The following DNAJC19 variants were observed in gnomAD, a reference collection of about 807,000 sequenced individuals.
The protein encoded by DNAJC19 is DnaJ heat shock protein family (Hsp40) member C19, also known as mitochondrial import inner membrane translocase subunit TIM14.
A neutral mutation model predicts 19.8 loss-of-function variants in DNAJC19; 15 were observed. The observed-to-expected ratio is 0.76, with a 90% CI of 0.51 to 1.17. DNAJC19 has a LOEUF of 1.17. DNAJC19 is among the 50% of genes most tolerant of loss of function. DNAJC19 has a pLI of 0.00. For synonymous variants in DNAJC19, 38 were observed against 42.1 expected, an observed-to-expected ratio of 0.90 and a Z score of 0.38; for missense variants, 105 against 140.9, an observed-to-expected ratio of 0.75 and a Z score of 1.29.
intron 4 of DNAJC19, 50 bp from the exon 5 acceptor site, chr3:180,986,046 T>C: frequency 6.8e-7 from 1 of 1,464,074 alleles, no homozygotes; most frequent in Non-Finnish European, 9.5e-7. Context: ...CTGCATCACA[T>C]CAAAAAACTG....
chr3:180,986,232 T>G (rs1483511521), intron 4 of DNAJC19, among the ~76,000 whole-genome samples: 9 of 152,080 alleles, frequency 5.9e-5, no homozygotes, highest in Non-Finnish European at 1.0e-4. Context: ...AACAGTCCTT[T>G]TATTGATAAG....
rs1039686087 is a variant in DNAJC19, at chr3:180,984,209, G to C, written c.*431C>G. 3 of 453,944 alleles carry C rather than the reference G, an allele frequency of 6.6e-6. No individual in the cohort carries two copies. Among genetic ancestry groups the C allele is most frequent in the African/African-American group, 6.0e-5 (3 of 49,974 alleles). 28.1% of individuals were successfully genotyped at this position (453,944 alleles called of 1,614,324 possible). Reference sequence around the variant, plus strand: ...TTGCCAGGCCAGTTGCCTGTACCTGGAACAGCCTTTCCACCGAATAAGAAG... The same window carrying C: ...TTGCCAGGCCAGTTGCCTGTACCTGCAACAGCCTTTCCACCGAATAAGAAG... On this transcript the variant is annotated 3_prime_UTR_variant, in exon 6 of 6. Transcript: ENST00000382564.
rs1247578456 is a variant in DNAJC19 at position 180,986,596 on chromosome 3, A to C, written c.209+347T>G. On this transcript the variant is annotated intron_variant, in intron 4 of 5. Transcript: ENST00000382564. ...CGCGCCCGGTTGAAGGCAGAATTTC[A>C]CCACAAAAAAAATGTCAGTTACAGA... 1.3e-5 allele frequency: 3 copies of C among 223,898 alleles called. No homozygotes were observed. The Admixed American group carries it at 1.5e-4, about 12-fold the overall frequency. 13.9% of individuals were successfully genotyped at this position (223,898 alleles called of 1,614,324 possible).
In DNAJC19 at chr3:180,983,709, T is replaced by G. The variant is rs1296256707; in HGVS notation, c.*931A>C. On this transcript the variant is annotated 3_prime_UTR_variant, in exon 6 of 6. Transcript: ENST00000382564. Reference sequence around the variant, plus strand: ...TTTATGTTAGACAAACAGTAAGTAATTTGCCTTTAAACATCATTTAAATTT... The same window carrying G: ...TTTATGTTAGACAAACAGTAAGTAAGTTGCCTTTAAACATCATTTAAATTT... The G allele has an allele frequency of 2.4e-6, 1 of 414,446 alleles. No individual in the cohort carries two copies. Among genetic ancestry groups the G allele is most frequent in the Non-Finnish European group, 4.8e-6 (1 of 210,412 alleles). The allele number at this position is 414,446 out of a possible 1,614,324, so 25.7% of individuals were successfully genotyped here.
At chr3:180,986,286 G>GTTTT (rs138755965) in intron 4 of DNAJC19, among the ~76,000 whole-genome samples, 2 of 138,606 alleles carry the variant, frequency 1.4e-5, no homozygotes, top group Non-Finnish European at 1.6e-5. Flanking sequence ...GAAGAGTTTT[G>GTTTT]TTTTTTTTTT....
At chr3:180,987,973 T>C (rs766545232) in intron 3 of DNAJC19, 50 bp downstream of exon 3, 9 of 1,601,192 alleles carry the variant, frequency 5.6e-6, no homozygotes, top group Non-Finnish European at 6.8e-6. Flanking sequence ...CTTCCCTAAG[T>C]GTGGCTCTAG....
rs1714752560 is a variant in DNAJC19 at position 180,983,952 on chromosome 3, C to CTTTG, written c.*684_*687dup. The stretch of plus-strand genomic sequence containing the variant: ...AATACTCATGCCTGTAATCCCAGTA[C>CTTTG]TTTGGGAGGCTGAGGCGGGAGGACT... On this transcript the variant is annotated 3_prime_UTR_variant, in exon 6 of 6. Coordinates refer to ENST00000382564, the MANE Select transcript of DNAJC19 (RefSeq NM_145261.4). 1 of 453,806 alleles carries CTTTG rather than the reference C, an allele frequency of 2.2e-6. No homozygotes were observed. Among genetic ancestry groups the CTTTG allele is most frequent in the Non-Finnish European group, 4.4e-6 (1 of 226,722 alleles). 28.1% of individuals were successfully genotyped at this position (453,806 alleles called of 1,614,324 possible). A position where few individuals can be genotyped will look rare whatever the true frequency, so the allele number is the denominator to read the frequency against.
rs779876511 is a variant in DNAJC19, at chr3:180,989,701, A to AC, written c.-100dup. 5.5e-5 allele frequency: 85 copies of AC among 1,542,304 alleles called. 1 individual carries two copies. In the Middle Eastern group the frequency reaches 1.3e-3, roughly 24 times the overall value. The stretch of plus-strand genomic sequence containing the variant: ...CACGCCTTTACCAGAGAGCGACGCA[A>AC]CCCCCAACCTCAAGCACAGGCGCCC... On this transcript the variant is annotated 5_prime_UTR_variant, in exon 1 of 6. Transcript: ENST00000382564.
At chr3:180,986,644 A>C (rs747571392) in intron 4 of DNAJC19, 15 of 344,926 alleles carry the variant, frequency 4.3e-5, no homozygotes, top group Non-Finnish European at 6.9e-5. Context: ...ACACTGTGAT[A>C]ATCTGCTGAG....
rs771901822 is a variant in DNAJC19 at position 180,984,579 on chromosome 3, TA to T, written c.*60del. 2.5e-6 allele frequency: 3 copies of T among 1,194,986 alleles called. No homozygotes were observed. Among genetic ancestry groups the T allele is most frequent in the African/African-American group, 1.5e-5 (1 of 65,386 alleles). The allele number at this position is 1,194,986 out of a possible 1,614,324, so 74.0% of individuals were successfully genotyped here. A position where few individuals can be genotyped will look rare whatever the true frequency, so the allele number is the denominator to read the frequency against. On this transcript the variant is annotated 3_prime_UTR_variant, in exon 6 of 6. Coordinates refer to ENST00000382564, the MANE Select transcript of DNAJC19 (RefSeq NM_145261.4). ...ATTGTAGCTCTGAGGCATTTTATTA[TA>T]AAAACTTAGTACTCATATACATAAA... is the stretch of plus-strand genomic sequence containing the variant.
chr3:180,985,659 CG>C (rs1714865058), intron 5 of DNAJC19: 1 of 393,924 alleles, frequency 2.5e-6, no homozygotes, highest in Non-Finnish European at 4.6e-6. Flanking sequence ...TTTAGTTTTA[CG>C]AAATTTAACG....
At position 180,987,281 on chromosome 3, in the gene DNAJC19, G is replaced by A. The variant is rs1714960734; in HGVS notation, c.130-259C>T. The A allele has an allele frequency of 1.0e-4, 49 of 472,666 alleles. 1 individual carries two copies. The South Asian group carries it at 1.2e-3, about 12-fold the overall frequency. 29.3% of individuals were successfully genotyped at this position (472,666 alleles called of 1,614,324 possible). ...TAGAAATATAAGACAAAATAACAGTGTCTGAAAGCCAGGTCTTCCGGGAGT... is the reference window on the plus strand; with the variant it reads ...TAGAAATATAAGACAAAATAACAGTATCTGAAAGCCAGGTCTTCCGGGAGT... On this transcript the variant is annotated intron_variant, in intron 3 of 5. Transcript: ENST00000382564.
Position 180,984,499 on chromosome 3 carries a change from CAAG to C in DNAJC19, c.*138_*140del, listed in dbSNP as rs973204633. The C allele has an allele frequency of 5.2e-5, 36 of 696,560 alleles. No individual in the cohort carries two copies. Among genetic ancestry groups the C allele is most frequent in the Admixed American group, 5.0e-4 (23 of 46,138 alleles). The allele number at this position is 696,560 out of a possible 1,614,324, so 43.1% of individuals were successfully genotyped here. A position where few individuals can be genotyped will look rare whatever the true frequency, so the allele number is the denominator to read the frequency against. On this transcript the variant is annotated 3_prime_UTR_variant, in exon 6 of 6. Transcript: ENST00000382564. ...CTGATTTAAAATCCCCAAATTTAAA[CAAG>C]AAAATTATACCAAGGCTTTGAGATT...
rs543241880 is a variant in DNAJC19, at chr3:180,989,183, T to C, written c.3+417A>G. The stretch of plus-strand genomic sequence containing the variant: ...TCCTAACAAGACAGGCCCAAATATG[T>C]TCAGGAAGCATGGAGAAGACATCTG... On this transcript the variant is annotated intron_variant, in intron 1 of 5. Transcript: ENST00000382564. 12 of 522,870 alleles carry C rather than the reference T, an allele frequency of 2.3e-5. No individual in the cohort carries two copies. In the South Asian group the frequency reaches 4.4e-4, roughly 19 times the overall value. The allele number at this position is 522,870 out of a possible 1,614,324, so 32.4% of individuals were successfully genotyped here.
chr3:180,988,008 T>G lies in DNAJC19; in HGVS notation c.129+15A>C, dbSNP rs201697391. ...GGTTTCAAATAGAAGCAGCAAAGAA[T>G]TAACAAAGTCTTACAGATTTTGGTA... On this transcript the variant is annotated intron_variant, in intron 3 of 5. Transcript: ENST00000382564. The G allele has an allele frequency of 1.5e-4, 238 of 1,613,834 alleles. No homozygotes were observed. Among genetic ancestry groups the G allele is most frequent in the Admixed American group, 2.2e-4 (13 of 60,004 alleles).
chr3:180,989,591 C>A lies in DNAJC19; in HGVS notation c.3+9G>T, dbSNP rs1421933890. ...GAGGTCGCCAAGAAGACCGGAAGGCCGCACTCACCATGGCTCCGGCTGGGC... is the reference window on the plus strand; with the variant it reads ...GAGGTCGCCAAGAAGACCGGAAGGCAGCACTCACCATGGCTCCGGCTGGGC... On this transcript the variant is annotated intron_variant, in intron 1 of 5. Transcript: ENST00000382564. 1 of 1,585,026 alleles carries A rather than the reference C, an allele frequency of 6.3e-7. No individual in the cohort carries two copies.
intron 1 of DNAJC19, 176 bp downstream of exon 1, chr3:180,989,424 C>G: frequency 6.8e-7 from 1 of 1,460,670 alleles, no homozygotes; most frequent in Non-Finnish European, 9.0e-7. Flanking sequence ...AACACAAACC[C>G]CCAAGAGAGC....
Position 180,984,398 on chromosome 3 carries a change from T to C in DNAJC19, c.*242A>G. 1.9e-6 allele frequency: 1 copy of C among 529,426 alleles called. No individual in the cohort carries two copies. The highest frequency in any genetic ancestry group is 3.7e-6 in the Non-Finnish European group (1 of 273,754). 32.8% of individuals were successfully genotyped at this position (529,426 alleles called of 1,614,324 possible). On this transcript the variant is annotated 3_prime_UTR_variant, in exon 6 of 6. Transcript: ENST00000382564. Reference sequence around the variant, plus strand: ...CATAGGTCCCAAATTATCTGCTAAATGAGTAATGAACAATATTTCTATTCA... The same window carrying C: ...CATAGGTCCCAAATTATCTGCTAAACGAGTAATGAACAATATTTCTATTCA...
Position 180,988,210 on chromosome 3 carries a change from A to G in DNAJC19, c.23T>C (p.Val8Ala), listed in dbSNP as rs1715008718. The G allele has an allele frequency of 1.2e-6, 2 of 1,614,020 alleles. No homozygotes were observed. Among genetic ancestry groups the G allele is most frequent in the Non-Finnish European group, 1.7e-6 (2 of 1,180,026 alleles). ...TCCTGCAGCAGCAATGGTCAGTCCA[A>G]CTGCTACCACTGTACTGGCCTGGTA... MASTVVAVGLTIAAAGFA... is the reference protein window; with the variant it reads MASTVVAAGLTIAAAGFA... The change falls in exon 2 of 6, where the codon GTT becomes GCT. Residue 8 changes from valine to alanine, a missense_variant. Physicochemically the swap from Val to Ala is moderately conservative, Grantham distance 64. Transcript: ENST00000382564.
Sources: allele counts gnomAD v4.1 joint callset (sites outside exome capture counted in the v4.1 genomes callset), GRCh38; gene constraint gnomAD v4.1.1; transcripts MANE v1.5; gene names NCBI Gene and HGNC (gene_info 2026-07-23, HGNC 2026-07-21).